The following UVRAG variants were observed in gnomAD, a reference collection of about 807,000 sequenced individuals.
UVRAG encodes UV radiation resistance associated.
Under a neutral mutation model 78.0 loss-of-function variants are expected in UVRAG, and 19 were observed. The observed-to-expected ratio is 0.24, with a 90% CI of 0.17 to 0.36. The LOEUF is 0.36. UVRAG is among the 10% of genes least tolerant of loss of function. UVRAG has a pLI of 1.00. For missense variants in UVRAG, 740 were observed against 853.8 expected, an observed-to-expected ratio of 0.87 and a Z score of 1.66; for synonymous variants, 323 against 324.6, an observed-to-expected ratio of 1.00 and a Z score of 0.05.
chr11:75,844,473 C>T (rs889846959), intron 1 of UVRAG, among the ~76,000 whole-genome samples: 5 of 152,056 alleles, frequency 3.3e-5, no homozygotes, highest in Non-Finnish European at 5.9e-5. Context: ...GATCTGCCTG[C>T]CTCGGCCTCC....
At chr11:76,064,393 A>G (rs1190767993) in intron 12 of UVRAG, among the ~76,000 whole-genome samples, 1 of 152,316 alleles carries the variant, frequency 6.6e-6, no homozygotes, top group African/African-American at 2.4e-5. Context: ...ATTCCCAGAC[A>G]TCTTGCAACA....
intron 13 of UVRAG, among the ~76,000 whole-genome samples, chr11:76,108,518 C>T (rs182130463): frequency 3.6e-4 from 55 of 152,168 alleles, no homozygotes; most frequent in Admixed American, 2.6e-3. Context: ...AGAGCTGTGA[C>T]GTCATAGTTG....
chr11:75,815,453 C>G lies in UVRAG; in HGVS notation c.46C>G (p.Pro16Ala). ...CGGGGGCCCCGTCCCCCAGCCACCC[C>G]CGGGCCCGGCCGCTGCTCTGCCTCC... ...SVGGPVPQPP[P>A]GPAAALPPGS... is the part of the protein sequence containing the mutation. The change falls in exon 1 of 15, where the codon CCG becomes GCG. Residue 16 changes from proline to alanine, a missense_variant. Physicochemically the swap from Pro to Ala is conservative, Grantham distance 27 (BLOSUM62 -1). Transcript: ENST00000356136. 1 of 1,248,490 alleles carries G rather than the reference C, an allele frequency of 8.0e-7. No individual in the cohort carries two copies. 77.3% of individuals were successfully genotyped at this position (1,248,490 alleles called of 1,614,324 possible). A position where few individuals can be genotyped will look rare whatever the true frequency, so the allele number is the denominator to read the frequency against.
At chr11:76,076,802 G>GTATGTATGTATTTATTTATT (rs1554987474) in intron 13 of UVRAG, among the ~76,000 whole-genome samples, 46 of 147,554 alleles carry the variant, frequency 3.1e-4, no homozygotes, top group African/African-American at 1.1e-3. Flanking sequence ...AAATTAGGTT[G>GTATGTATGTATTTATTTATT]TATTTATTTA....
intron 1 of UVRAG, among the ~76,000 whole-genome samples, chr11:75,844,102 C>A (rs1432238542): frequency 2.0e-5 from 3 of 152,048 alleles, no homozygotes; most frequent in Admixed American, 6.5e-5. Context: ...CCTGATGCTG[C>A]AGGTAGAGTT....
intron 13 of UVRAG, among the ~76,000 whole-genome samples, chr11:76,079,614 A>G (rs1202615265): frequency 6.6e-6 from 1 of 152,262 alleles, no homozygotes; most frequent in East Asian, 1.9e-4. Flanking sequence ...CCAATACAAT[A>G]TGGACTTATA....
intron 2 of UVRAG, among the ~76,000 whole-genome samples, chr11:75,860,191 C>T (rs1012553205): frequency 3.3e-5 from 5 of 152,088 alleles, no homozygotes; most frequent in African/African-American, 4.8e-5. Context: ...GTGATCTGCC[C>T]GCCTCAGCCT....
chr11:76,123,555 T>C (rs1952329639), intron 14 of UVRAG, among the ~76,000 whole-genome samples: 1 of 152,204 alleles, frequency 6.6e-6, no homozygotes, highest in African/African-American at 2.4e-5. Flanking sequence ...GAAAGCAAGA[T>C]TTCAAAGCCA....
At chr11:75,945,839 C>T (rs963480126) in intron 6 of UVRAG, among the ~76,000 whole-genome samples, 1 of 151,968 alleles carries the variant, frequency 6.6e-6, no homozygotes, top group African/African-American at 2.4e-5. Context: ...TATCTTTCTC[C>T]CTTTTTATCT....
chr11:75,848,594 G>T (rs530891775), intron 1 of UVRAG, among the ~76,000 whole-genome samples: 2 of 152,218 alleles, frequency 1.3e-5, no homozygotes, highest in South Asian at 4.1e-4. Flanking sequence ...TTATAGATTC[G>T]ATCTCCGTCC....
intron 1 of UVRAG, among the ~76,000 whole-genome samples, chr11:75,828,239 A>G (rs1945559171): frequency 6.6e-6 from 1 of 152,152 alleles, no homozygotes; most frequent in Non-Finnish European, 1.5e-5. Context: ...TAATATAAAT[A>G]TAAAAATAAA....
intron 6 of UVRAG, among the ~76,000 whole-genome samples, chr11:75,949,026 T>C (rs1591052191): frequency 6.6e-6 from 1 of 152,132 alleles, no homozygotes; most frequent in Non-Finnish European, 1.5e-5. Context: ...AAGAACAGAA[T>C]AGAATTGAGA....
intron 3 of UVRAG, among the ~76,000 whole-genome samples, chr11:75,875,706 T>C (rs1946759349): frequency 1.3e-5 from 2 of 151,938 alleles, no homozygotes; most frequent in African/African-American, 2.4e-5. Context: ...TCATCTGTCA[T>C]GGCAACTTTC....
At chr11:75,876,526 C>T (rs1422563322) in intron 3 of UVRAG, among the ~76,000 whole-genome samples, 1 of 152,154 alleles carries the variant, frequency 6.6e-6, no homozygotes, top group Non-Finnish European at 1.5e-5. Context: ...GACTGGAGGT[C>T]ATTTAAGAGT....
intron 1 of UVRAG, among the ~76,000 whole-genome samples, chr11:75,824,360 TTTTG>T (rs1288510911): frequency 6.6e-6 from 1 of 152,168 alleles, no homozygotes; most frequent in East Asian, 1.9e-4. Flanking sequence ...AATTTATGTT[TTTTG>T]TTTGTTTCTC....
At chr11:76,085,690 TTA>T (rs1246457830) in intron 13 of UVRAG, among the ~76,000 whole-genome samples, 1 of 152,196 alleles carries the variant, frequency 6.6e-6, no homozygotes. Context: ...AGGGACTTTA[TTA>T]TATATACATC....
chr11:76,033,032 G>A (rs1331106957), intron 12 of UVRAG, among the ~76,000 whole-genome samples: 1 of 152,180 alleles, frequency 6.6e-6, no homozygotes, highest in Non-Finnish European at 1.5e-5. Context: ...TCACGGATTG[G>A]TTGTAATAAA....
chr11:76,096,423 A>G (rs558547556), intron 13 of UVRAG, among the ~76,000 whole-genome samples: 1 of 152,188 alleles, frequency 6.6e-6, no homozygotes, highest in African/African-American at 2.4e-5. Flanking sequence ...GAAGGAAAAA[A>G]ATTAAACCTT....
chr11:75,994,807 G>T (rs1210052645), intron 8 of UVRAG, among the ~76,000 whole-genome samples: 1 of 152,132 alleles, frequency 6.6e-6, no homozygotes, highest in Non-Finnish European at 1.5e-5. Flanking sequence ...CTCACAGTTT[G>T]CTGTTTTTCT....
Sources: allele counts gnomAD v4.1 joint callset (sites outside exome capture counted in the v4.1 genomes callset), GRCh38; gene constraint gnomAD v4.1.1; transcripts MANE v1.5; gene names NCBI Gene and HGNC (gene_info 2026-07-23, HGNC 2026-07-21).